Variants in CAND1 observed in about 807,000 individuals in gnomAD.
The protein encoded by CAND1 is cullin associated and neddylation dissociated 1.
In CAND1, 7 loss-of-function variants were observed where a neutral mutation model predicts 108.5. The observed-to-expected ratio is 0.06, with a 90% CI of 0.04 to 0.12. CAND1 has a LOEUF of 0.12. Ranked by LOEUF, CAND1 falls within the 10% of genes least tolerant of loss-of-function variation. The pLI is 1.00. For missense variants in CAND1, 941 were observed against 1,448.7 expected, an observed-to-expected ratio of 0.65 and a Z score of 5.69; for synonymous variants, 534 against 512.0, an observed-to-expected ratio of 1.04 and a Z score of -0.58.
intron 2 of CAND1, among the ~76,000 whole-genome samples, chr12:67,287,935 A>G (rs1280211137): frequency 2.0e-5 from 2 of 100,636 alleles, no homozygotes; most frequent in Non-Finnish European, 4.2e-5. Context: ...CTATTTTTTT[A>G]CTGGTTTATA....
intron 1 of CAND1, among the ~76,000 whole-genome samples, chr12:67,278,124 C>T (rs938509593): frequency 6.6e-6 from 1 of 152,110 alleles, no homozygotes. Flanking sequence ...TCCTGCTTCA[C>T]CGTAATTTTG....
At chr12:67,299,793 A>T (rs1414181543) in intron 7 of CAND1, among the ~76,000 whole-genome samples, 1 of 152,174 alleles carries the variant, frequency 6.6e-6, no homozygotes, top group Non-Finnish European at 1.5e-5. Context: ...TGGAAGAATC[A>T]TAATAACAAA....
chr12:67,304,114 C>G (rs1001072942), intron 8 of CAND1, among the ~76,000 whole-genome samples: 1 of 151,576 alleles, frequency 6.6e-6, no homozygotes, highest in Non-Finnish European at 1.5e-5. Context: ...CTCAGCCTCC[C>G]GAGTAGCTGG....
At chr12:67,292,919 AT>A in intron 3 of CAND1, 143 bp downstream of exon 3, 1 of 697,518 alleles carries the variant, frequency 1.4e-6, no homozygotes, top group Non-Finnish European at 2.4e-6. Flanking sequence ...AATTAAGAAA[AT>A]TAAAGCGTGA....
At chr12:67,284,842 A>C (rs2044655131) in intron 2 of CAND1, among the ~76,000 whole-genome samples, 2 of 73,996 alleles carry the variant, frequency 2.7e-5, no homozygotes, top group African/African-American at 3.6e-5. Context: ...AGATACATTC[A>C]CCCTAAAGTC....
chr12:67,297,908 C>A, intron 6 of CAND1, 55 bp downstream of exon 6: 1 of 989,820 alleles, frequency 1.0e-6, no homozygotes, highest in Non-Finnish European at 1.6e-6. Flanking sequence ...AGAGTAGAAT[C>A]ATAAGGTCTA....
rs1464931116 is a variant in CAND1 at position 67,318,812 on chromosome 12, G to A, written c.*5982G>A. ...TAAGGAAGCACCATAAAATTCTGCT[G>A]TATGAGAGGTATACACGGGATACTG... On this transcript the variant is annotated 3_prime_UTR_variant, in exon 15 of 15. Transcript: ENST00000545606. 7 of 152,196 alleles carry A rather than the reference G, an allele frequency of 4.6e-5. No homozygotes were observed. The highest frequency in any genetic ancestry group is 1.0e-4 in the Non-Finnish European group (7 of 68,046). 9.4% of individuals were successfully genotyped at this position (152,196 alleles called of 1,614,324 possible). A position where few individuals can be genotyped will look rare whatever the true frequency, so the allele number is the denominator to read the frequency against.
intron 8 of CAND1, 54 bp from the exon 9 acceptor site, chr12:67,304,551 G>A (rs2044859193): frequency 6.4e-7 from 1 of 1,567,310 alleles, no homozygotes; most frequent in South Asian, 1.1e-5. Flanking sequence ...CATGTTAAGT[G>A]TACTGAGGAA....
intron 1 of CAND1, among the ~76,000 whole-genome samples, chr12:67,277,508 C>T (rs1311025575): frequency 6.6e-6 from 1 of 151,938 alleles, no homozygotes; most frequent in African/African-American, 2.4e-5. Context: ...TGCTTGGAGG[C>T]CATATTAAAC....
In CAND1 at chr12:67,294,130, C is replaced by A. The variant is rs142998795; in HGVS notation, c.368-903C>A. On this transcript the variant is annotated intron_variant, in intron 3 of 14. Transcript: ENST00000545606. ...AGTATGTTATTTATAATTGTATTAGCTATGTATATATTTTTTAATTTTTTT... is the reference window on the plus strand; with the variant it reads ...AGTATGTTATTTATAATTGTATTAGATATGTATATATTTTTTAATTTTTTT... 7.4e-4 allele frequency among the ~76,000 whole-genome samples: 113 copies of A among 152,230 alleles called. 1 individual carries two copies. The highest frequency in any genetic ancestry group is 3.4e-3 in the Middle Eastern group (1 of 294).
At chr12:67,307,986 T>C (rs12315624) in intron 11 of CAND1, among the ~76,000 whole-genome samples, 6,952 of 151,982 alleles carry the variant, frequency 0.046, 528 homozygotes, top group African/African-American at 0.16. Flanking sequence ...CCAGAAGAAC[T>C]AAGAGGAGAT....
Position 67,305,544 on chromosome 12 carries a change from T to A in CAND1, c.1876T>A (p.Leu626Ile). ...GAGACTAAAGAATGAAATTACCAGG[T>A]TAACTACAGTAAAGGCATTGACACT... ...LERLKNEITR[L>I]TTVKALTLIA... Residue 626 changes from leucine (L) to isoleucine (I), a missense_variant, in exon 10 of 15, where the codon TTA (leucine) becomes ATA (isoleucine). By Grantham distance (5) the Leu-to-Ile change is conservative. Around this residue, in one of 9 missense-constraint regions of CAND1, gnomAD observed 697 missense variants for 942.0 expected, o/e 0.74. Transcript: ENST00000545606. This position sits in a 1 kb window ranked among gnomAD's most constrained non-coding sequence, Gnocchi z 4.4. 1 of 1,614,102 alleles carries A rather than the reference T, an allele frequency of 6.2e-7. No homozygotes were observed. The highest frequency in any genetic ancestry group is 8.5e-7 in the Non-Finnish European group (1 of 1,180,000).
intron 1 of CAND1, among the ~76,000 whole-genome samples, chr12:67,271,046 G>A (rs1159216891): frequency 6.6e-6 from 1 of 152,098 alleles, no homozygotes; most frequent in Non-Finnish European, 1.5e-5. Context: ...TGATATACTG[G>A]CTTATTAAAA....
chr12:67,310,513 CT>C (rs2044937971), intron 13 of CAND1, 197 bp downstream of exon 13: 1 of 407,332 alleles, frequency 2.5e-6, no homozygotes, highest in Non-Finnish European at 4.4e-6. Context: ...ATCCAGAGCC[CT>C]TTTTATTGGA....
intron 2 of CAND1, among the ~76,000 whole-genome samples, chr12:67,285,725 G>T (rs1697232): frequency 6.6e-6 from 1 of 151,936 alleles, no homozygotes. Flanking sequence ...TATTATTCAC[G>T]TTTTATTTAC....
intron 1 of CAND1, among the ~76,000 whole-genome samples, chr12:67,280,252 C>A (rs1162621105): frequency 6.6e-6 from 1 of 152,110 alleles, no homozygotes; most frequent in Admixed American, 6.5e-5. Flanking sequence ...TACCATAATA[C>A]CTACTTGCAT....
In CAND1 at chr12:67,314,836, T is replaced by A. The variant is rs1051387168; in HGVS notation, c.*2006T>A. ...GAAATAGATACTGCTCTTTTATGGC[T>A]TTAGTGTTTATATACCTGTTTATAT... On this transcript the variant is annotated 3_prime_UTR_variant, in exon 15 of 15. Coordinates refer to ENST00000545606, the MANE Select transcript of CAND1 (RefSeq NM_018448.5). 2.0e-5 allele frequency: 3 copies of A among 152,232 alleles called. No homozygotes were observed. The highest frequency in any genetic ancestry group is 2.9e-5 in the Non-Finnish European group (2 of 68,044). 9.4% of individuals were successfully genotyped at this position (152,232 alleles called of 1,614,324 possible).
chr12:67,277,639 A>T (rs909604039), intron 1 of CAND1, among the ~76,000 whole-genome samples: 1 of 152,222 alleles, frequency 6.6e-6, no homozygotes, highest in East Asian at 1.9e-4. Context: ...GCTTTGTGCC[A>T]CCACAGCTGG....
Position 67,297,823 on chromosome 12 carries a change from G to T in CAND1, c.824G>T (p.Cys275Phe). 1 of 1,598,378 alleles carries T rather than the reference G, an allele frequency of 6.3e-7. No individual in the cohort carries two copies. The highest frequency in any genetic ancestry group is 1.1e-5 in the South Asian group (1 of 88,538). The change falls in exon 6 of 15, where the codon TGT becomes TTT. Residue 275 changes from cysteine (C) to phenylalanine (F), a missense_variant. By Grantham distance (205) the Cys-to-Phe change is radical. Coordinates refer to ENST00000545606, the MANE Select transcript of CAND1 (RefSeq NM_018448.5). ...GATGATGATGAATTAAGAGAGTACTGTATTCAAGCCTTTGAATCATTTGTA... is the reference window on the plus strand; with the variant it reads ...GATGATGATGAATTAAGAGAGTACTTTATTCAAGCCTTTGAATCATTTGTA... ...NVDDDELREY[C>F]IQAFESFVRR...
Sources: gnomAD v4.1 joint callset for allele counts (sites outside exome capture counted in the v4.1 genomes callset) on GRCh38, gnomAD v4.1.1 for gene constraint, gnomAD v4.1.1 regional missense constraint, Gnocchi (gnomAD v3.1) non-coding constraint, MANE v1.5 for transcripts, NCBI Gene and HGNC (gene_info 2026-07-23, HGNC 2026-07-21) for gene names.